RPL36A: variants seen among roughly 807,000 people sequenced by gnomAD.
RPL36A encodes ribosomal protein L36a, also known as large ribosomal subunit protein eL42.
For synonymous variants in RPL36A, 25 were observed against 28.5 expected, an observed-to-expected ratio of 0.88 and a Z score of 0.39; for missense variants, 20 against 81.0, an observed-to-expected ratio of 0.25 and a Z score of 2.89.
At position 101,391,822 on chromosome X, in the gene RPL36A, G is replaced by A. The variant is rs1927816792; in HGVS notation, c.177G>A (p.Lys59=). Residue 59 remains lysine, a splice_region_variant and synonymous_variant, in exon 3 of 5, where the codon AAG becomes AAA. Coordinates refer to ENST00000553110, the MANE Select transcript of RPL36A (RefSeq NM_021029.6). The stretch of plus-strand genomic sequence containing the variant: ...AAACTAAGCCGATTTTCCGGAAAAA[G>A]GTGAGTGGTAGTTACTATTTGACGT... ...GGQTKPIFRK[K]AKTTKKIVLR... The A allele has an allele frequency of 8.3e-7, 1 of 1,209,121 alleles. No individual in the cohort carries two copies. Among genetic ancestry groups the A allele is most frequent in the African/African-American group, 1.7e-5 (1 of 57,646 alleles).
intron 3 of RPL36A, among the ~76,000 whole-genome samples, chrX:101,394,704 CTT>C (rs1382764284): frequency 1.1e-5 from 1 of 93,653 alleles, no homozygotes; most frequent in Non-Finnish European, 2.1e-5. Flanking sequence ...CACATTTTCT[CTT>C]TATATATATA....
At chrX:101,391,990 C>G in intron 3 of RPL36A, 168 bp downstream of exon 3, 1 of 1,170,705 alleles carries the variant, frequency 8.5e-7, no homozygotes, top group East Asian at 3.2e-5. Flanking sequence ...TCATGTCTGA[C>G]TAGTCCACAA....
chrX:101,392,703 AT>A (rs1927857251), intron 3 of RPL36A: 1 of 639,986 alleles, frequency 1.6e-6, no homozygotes. Context: ...TGCTGGGTAT[AT>A]ACCCAGAAGA....
At chrX:101,391,617 T>A in intron 2 of RPL36A, 53 bp downstream of exon 2, 10 of 1,197,807 alleles carry the variant, frequency 8.3e-6, no homozygotes, top group Non-Finnish European at 1.1e-5. Context: ...TGTTGTAGAA[T>A]AACATACGAG....
chrX:101,395,707 CT>C lies in RPL36A; in HGVS notation c.301-15del. 8.3e-7 allele frequency: 1 copy of C among 1,208,254 alleles called. No individual in the cohort carries two copies. Among genetic ancestry groups the C allele is most frequent in the Non-Finnish European group, 1.1e-6 (1 of 892,911 alleles). ...TAGTTCATGGCAAAATACAAAACAA[CT>C]TTTTTCTGTTCTGTTACAGGGCCAA... On this transcript the variant is annotated intron_variant, in intron 4 of 4. Transcript: ENST00000553110.
chrX:101,392,602 C>A (rs1927852753), intron 3 of RPL36A: 1 of 754,286 alleles, frequency 1.3e-6, no homozygotes, highest in Non-Finnish European at 1.6e-6. Flanking sequence ...GAACTGCAAA[C>A]TAGCAGCAGC....
chrX:101,394,948 C>T (rs2147467160), intron 3 of RPL36A, among the ~76,000 whole-genome samples: 1 of 104,110 alleles, frequency 9.6e-6, no homozygotes, highest in East Asian at 3.0e-4. Context: ...GCCACCATGC[C>T]CGGCTGATTT....
Position 101,391,015 on chromosome X carries a change from C to T in RPL36A, c.-29C>T, listed in dbSNP as rs201923535. On this transcript the variant is annotated 5_prime_UTR_variant, in exon 1 of 5. Coordinates refer to ENST00000553110, the MANE Select transcript of RPL36A (RefSeq NM_021029.6). ...CTTCCGTTTGCCTCGCGGTTTCTTT[C>T]TTTCCGCGCCGATAGCGCTCACGCA... 266 of 1,211,035 alleles carry T rather than the reference C, an allele frequency of 2.2e-4. No homozygotes were observed. Among genetic ancestry groups the T allele is most frequent in the African/African-American group, 2.2e-3 (125 of 57,527 alleles).
chrX:101,391,884 C>A (rs953713637), intron 3 of RPL36A, 62 bp downstream of exon 3: 2 of 1,195,254 alleles, frequency 1.7e-6, no homozygotes, highest in Admixed American at 4.5e-5. Flanking sequence ...GCACTTGTCT[C>A]TAGTCCACAC....
Position 101,391,089 on chromosome X carries a change from T to A in RPL36A, c.3+43T>A, listed in dbSNP as rs782796926. 3.4e-6 allele frequency: 4 copies of A among 1,181,197 alleles called. No individual in the cohort carries two copies. The African/African-American group carries it at 7.0e-5, about 21-fold the overall frequency. On this transcript the variant is annotated intron_variant, in intron 1 of 4. Coordinates refer to ENST00000553110, the MANE Select transcript of RPL36A (RefSeq NM_021029.6). The stretch of plus-strand genomic sequence containing the variant: ...GGGCCGAGTAACATCCAGCTTAATC[T>A]TTCCCCCCCTTCGTCGCCCGTGCTA...
In RPL36A at chrX:101,391,788, A is replaced by G; in HGVS notation, c.143A>G (p.Tyr48Cys). 3 of 1,210,599 alleles carry G rather than the reference A, an allele frequency of 2.5e-6. No individual in the cohort carries two copies. Among genetic ancestry groups the G allele is most frequent in the Non-Finnish European group, 3.4e-6 (3 of 895,281 alleles). ...CGTTATGACAGGAAGCAGAGTGGCT[A>G]TGGTGGGCAAACTAAGCCGATTTTC... Reference protein sequence around the residue: ...KRRYDRKQSGYGGQTKPIFRK... With the variant: ...KRRYDRKQSGCGGQTKPIFRK... The change falls in exon 3 of 5, where the codon TAT becomes TGT. Residue 48 changes from tyrosine (Y) to cysteine (C), a missense_variant. Coordinates refer to ENST00000553110, the MANE Select transcript of RPL36A (RefSeq NM_021029.6).
Position 101,395,811 on chromosome X carries a change from G to A in RPL36A, c.*63G>A. On this transcript the variant is annotated 3_prime_UTR_variant, in exon 5 of 5. Transcript: ENST00000553110. ...TTTATGTTCACTTCATTTGTTTGCT[G>A]TTCATCTTTTGGGAGGGAATAAGCT... The A allele has an allele frequency of 9.2e-7, 1 of 1,082,873 alleles. No homozygotes were observed. The highest frequency in any genetic ancestry group is 1.3e-6 in the Non-Finnish European group (1 of 786,994). 89.2% of individuals were successfully genotyped at this position (1,082,873 alleles called of 1,213,427 possible).
chrX:101,391,385 T>G, intron 1 of RPL36A, 74 bp from the exon 2 acceptor site: 1 of 1,151,919 alleles, frequency 8.7e-7, no homozygotes, highest in Non-Finnish European at 1.2e-6. Flanking sequence ...TGCCTCAGCT[T>G]TAGCTGGGTA....
chrX:101,394,755 T>A (rs993942992), intron 3 of RPL36A, among the ~76,000 whole-genome samples: 5 of 99,015 alleles, frequency 5.0e-5, no homozygotes, highest in Admixed American at 1.2e-4. Flanking sequence ...TTTATGTTTT[T>A]TATATATATT....
At chrX:101,394,844 G>T (rs1296466574) in intron 3 of RPL36A, among the ~76,000 whole-genome samples, 6 of 93,846 alleles carry the variant, frequency 6.4e-5, no homozygotes, top group African/African-American at 2.4e-4. Flanking sequence ...GAGTGCAGTG[G>T]TGCGATCTCT....
In RPL36A at chrX:101,391,487, T is replaced by C; in HGVS notation, c.32T>C (p.Phe11Ser). 1 of 1,211,835 alleles carries C rather than the reference T, an allele frequency of 8.3e-7. No individual in the cohort carries two copies. Among genetic ancestry groups the C allele is most frequent in the Non-Finnish European group, 1.1e-6 (1 of 895,477 alleles). The stretch of plus-strand genomic sequence containing the variant: ...AACGTCCCTAAAACCCGCCGGACTT[T>C]CTGTAAGAAGTGTGGCAAGCACCAA... MVNVPKTRRT[F>S]CKKCGKHQPH... The change falls in exon 2 of 5, where the codon TTC becomes TCC. Residue 11 changes from phenylalanine (F) to serine (S), a missense_variant. Transcript: ENST00000553110.
intron 3 of RPL36A, among the ~76,000 whole-genome samples, chrX:101,394,205 C>T (rs1365036877): frequency 9.2e-6 from 1 of 108,350 alleles, no homozygotes; most frequent in East Asian, 2.9e-4. Flanking sequence ...TGGTGGTGGG[C>T]GCCTGTTATC....
intron 3 of RPL36A, among the ~76,000 whole-genome samples, chrX:101,394,719 T>TTTATATA (rs1355314048): frequency 9.8e-6 from 1 of 101,755 alleles, no homozygotes; most frequent in Non-Finnish European, 2.0e-5. Context: ...TATATATATA[T>TTTATATA]TTATATATTA....
In RPL36A at chrX:101,391,476, C is replaced by T. The variant is rs1555983393; in HGVS notation, c.21C>T (p.Thr7=). 3 of 1,211,549 alleles carry T rather than the reference C, an allele frequency of 2.5e-6. No individual in the cohort carries two copies. Among genetic ancestry groups the T allele is most frequent in the Non-Finnish European group, 3.4e-6 (3 of 895,424 alleles). MVNVPK[T]RRTFCKKCGK... ...TTTACTAGGTTAACGTCCCTAAAAC[C>T]CGCCGGACTTTCTGTAAGAAGTGTG... The change falls in exon 2 of 5, where the codon ACC becomes ACT. Residue 7 remains threonine (T), a synonymous_variant. Coordinates refer to ENST00000553110, the MANE Select transcript of RPL36A (RefSeq NM_021029.6).
Sources: gnomAD v4.1 joint callset for allele counts (sites outside exome capture counted in the v4.1 genomes callset) on GRCh38, gnomAD v4.1.1 for gene constraint, MANE v1.5 for transcripts, NCBI Gene and HGNC (gene_info 2026-07-23, HGNC 2026-07-21) for gene names.